Variants in CFAP92 observed in about 807,000 individuals in gnomAD.
CFAP92 encodes the protein cilia and flagella associated protein 92 (putative), also known as uncharacterized protein CFAP92.
Under a neutral mutation model 106.3 loss-of-function variants are expected in CFAP92, and 86 were observed. The ratio of observed to expected loss-of-function variants is 0.81; its 90% CI spans 0.68 to 0.97. The LOEUF (loss-of-function observed/expected upper bound fraction) is 0.97, where lower values mean the gene tolerates loss of function less well. Among genes scored for constraint, CFAP92 ranks in the 50% least tolerant of loss-of-function variants. CFAP92 has a pLI of 0.00. For synonymous variants in CFAP92, 477 were observed against 506.4 expected (o/e 0.94, Z 0.78); for missense variants, 1,204 against 1,283.8 (o/e 0.94, Z 0.95).
intron 1 of CFAP92, chr3:129,001,955 C>T (rs753330341): frequency 2.6e-6 from 4 of 1,544,062 alleles, no homozygotes; most frequent in Non-Finnish European, 1.7e-6. Context: ...GAGATGTGAC[C>T]CCCGGGGATG....
chr3:128,997,530 T>C (rs1324621099), upstream of CFAP92, among the ~76,000 whole-genome samples: 1 of 152,248 alleles, frequency 6.6e-6, no homozygotes, highest in Non-Finnish European at 1.5e-5. Context: ...TGGCCTTTTC[T>C]AGACATTTCC....
At chr3:129,009,974 C>A in the CFAP92 span, among the ~76,000 whole-genome samples, 1 of 152,208 alleles carries the variant, frequency 6.6e-6, no homozygotes, top group Admixed American at 6.5e-5. Flanking sequence ...AGCTGGGAGC[C>A]CTCCTGAGGG....
At chr3:128,914,726 C>G (rs892837985) in intron 15 of CFAP92, 1 of 176,536 alleles carries the variant, frequency 5.7e-6, no homozygotes, top group South Asian at 1.5e-4. Context: ...GTATCTTTGC[C>G]GCTGGAAGGT....
At chr3:129,022,297 G>A in the CFAP92 span, among the ~76,000 whole-genome samples, 1 of 152,212 alleles carries the variant, frequency 6.6e-6, no homozygotes, top group Non-Finnish European at 1.5e-5. Context: ...TGAAATAGAG[G>A]CTCAGAGACG....
chr3:128,994,608 A>T (rs900176072), upstream of CFAP92, among the ~76,000 whole-genome samples: 8 of 152,226 alleles, frequency 5.3e-5, no homozygotes, highest in Non-Finnish European at 7.3e-5. Context: ...GCCAACTCAG[A>T]GATCAGAAAA....
upstream of CFAP92, chr3:129,004,124 C>T: frequency 7.0e-7 from 1 of 1,420,700 alleles, no homozygotes; most frequent in South Asian, 1.4e-5. Flanking sequence ...AATTCGGCTC[C>T]CATTTTCCCA....
At chr3:128,974,045 G>A (rs1189513885) in intron 7 of CFAP92, among the ~76,000 whole-genome samples, 1 of 152,208 alleles carries the variant, frequency 6.6e-6, no homozygotes. Flanking sequence ...ATCCGGAAAA[G>A]ACAAAAGTCA....
At chr3:128,943,612 C>T (rs565293584) in intron 10 of CFAP92, among the ~76,000 whole-genome samples, 9 of 151,848 alleles carry the variant, frequency 5.9e-5, no homozygotes, top group East Asian at 5.8e-4. Flanking sequence ...CTCGGCTCAC[C>T]GCAACCTCCC....
intron 15 of CFAP92, among the ~76,000 whole-genome samples, chr3:128,911,386 G>A (rs1256529675): frequency 6.6e-6 from 1 of 151,982 alleles, no homozygotes; most frequent in East Asian, 1.9e-4. Flanking sequence ...TTGAGCAAGT[G>A]CAGAGCCCTT....
chr3:128,988,882 T>C lies in CFAP92; in HGVS notation c.299A>G (p.Tyr100Cys), dbSNP rs375777321. ...ACTGTCTGTTTTAGGGTGTTTCTTA[T>C]ATTTTTCAATCAAACTTGCATATTT... ...KGKYASLIEK[Y>C]KKHPKTDSSV... is the part of the protein sequence containing the mutation. The change falls in exon 3 of 16, where the codon TAT becomes TGT. Residue 100 changes from tyrosine (Y) to cysteine (C), a missense_variant. Physicochemically the swap from Tyr to Cys is radical, Grantham distance 194. Transcript: ENST00000645291. 6.2e-7 allele frequency: 1 copy of C among 1,613,660 alleles called. No homozygotes were observed. The highest frequency in any genetic ancestry group is 8.5e-7 in the Non-Finnish European group (1 of 1,179,742).
intron 1 of CFAP92, chr3:129,001,931 T>C (rs1324708971): frequency 1.3e-6 from 2 of 1,540,470 alleles, no homozygotes; most frequent in Non-Finnish European, 1.8e-6. Context: ...AGGCAGCAGG[T>C]GACGGGAACT....
At chr3:128,938,341 G>C (rs757689874) in intron 10 of CFAP92, among the ~76,000 whole-genome samples, 3 of 152,100 alleles carry the variant, frequency 2.0e-5, no homozygotes, top group Non-Finnish European at 4.4e-5. Flanking sequence ...AATTGTGTGA[G>C]CCAGCAAATT....
At chr3:128,933,710 C>T (rs9810890) in intron 11 of CFAP92, among the ~76,000 whole-genome samples, 19,341 of 152,194 alleles carry the variant, frequency 0.13, 1,936 homozygotes, top group African/African-American at 0.28. Context: ...TAAGCACTTC[C>T]TAAAAAGTGT....
Position 128,915,461 on chromosome 3 carries a change from G to C in CFAP92, c.3019C>G (p.Gln1007Glu). 1 of 1,536,084 alleles carries C rather than the reference G, an allele frequency of 6.5e-7. No homozygotes were observed. The highest frequency in any genetic ancestry group is 2.4e-5 in the East Asian group (1 of 40,908). ...AATCCCCTGGCTGTGAGCCAGGCCT[G>C]GCGGGATTTCTTCTGGGCTTTCTTC... Reference protein sequence around the residue: ...EEKKAQKKSRQAWLTARGFQV... With the variant: ...EEKKAQKKSREAWLTARGFQV... Residue 1007 changes from glutamine (Q) to glutamate (E), a missense_variant, in exon 14 of 16, where the codon CAG becomes GAG. Gln to Glu is a conservative substitution (Grantham distance 29). Coordinates refer to ENST00000645291, the MANE Select transcript of CFAP92 (RefSeq NM_001394090.1).
At chr3:128,911,500 T>G (rs960927399) in intron 15 of CFAP92, among the ~76,000 whole-genome samples, 1 of 151,748 alleles carries the variant, frequency 6.6e-6, no homozygotes, top group Non-Finnish European at 1.5e-5. Flanking sequence ...TGCAGTGGCA[T>G]GATCTTGGCT....
At chr3:128,988,175 A>T (rs946467506) in intron 3 of CFAP92, among the ~76,000 whole-genome samples, 1 of 152,230 alleles carries the variant, frequency 6.6e-6, no homozygotes, top group African/African-American at 2.4e-5. Flanking sequence ...ACATGCACAC[A>T]CACAGAAAAA....
chr3:128,930,759 ATAAATT>A (rs1160307605), intron 12 of CFAP92, among the ~76,000 whole-genome samples: 2 of 152,136 alleles, frequency 1.3e-5, no homozygotes, highest in Non-Finnish European at 2.9e-5. Context: ...AAAAATAAAA[ATAAATT>A]TAAAACACTT....
chr3:129,003,720 C>T, upstream of CFAP92: 2 of 1,255,246 alleles, frequency 1.6e-6, no homozygotes, highest in Non-Finnish European at 2.0e-6. Context: ...ATGGGGCCGC[C>T]GTCGTGGCGG....
intron 9 of CFAP92, among the ~76,000 whole-genome samples, chr3:128,956,196 T>TAAAAAAAAAAAAAAAAAAAAAAAAAAAAA (rs577724635): frequency 1.6e-5 from 1 of 61,708 alleles, no homozygotes; most frequent in Non-Finnish European, 3.0e-5. Flanking sequence ...AAAAAAAAAA[T>TAAAAAAAAAAAAAAAAAAAAAAAAAAAAA]AAAAAAAAAA....
Sources: allele counts gnomAD v4.1 joint callset (sites outside exome capture counted in the v4.1 genomes callset), GRCh38; gene constraint gnomAD v4.1.1; transcripts MANE v1.5; gene names NCBI Gene and HGNC (gene_info 2026-07-23, HGNC 2026-07-21).